The following GALNT18 variants were observed in gnomAD, a reference collection of about 807,000 sequenced individuals.
GALNT18 encodes the protein GalNAc-transferase 18.
GALNT18 carries 44 observed loss-of-function variants against 69.5 expected under a neutral mutation model. That is an observed-to-expected ratio of 0.63 (90% CI 0.50 to 0.81). GALNT18 has a LOEUF of 0.81. GALNT18 is among the 40% of genes least tolerant of loss of function. The pLI is 0.00. For synonymous variants in GALNT18, 364 were observed against 318.2 expected (o/e 1.14, Z -1.53); for missense variants, 715 against 810.0 (o/e 0.88, Z 1.42).
chr11:11,556,991 C>T (rs923075193), intron 1 of GALNT18, among the ~76,000 whole-genome samples: 2 of 152,118 alleles, frequency 1.3e-5, no homozygotes, highest in Non-Finnish European at 2.9e-5. Flanking sequence ...TTAGTCTGCC[C>T]AGGAGGCCCA....
chr11:11,369,246 C>T (rs1850841282), intron 6 of GALNT18, among the ~76,000 whole-genome samples: 2 of 152,196 alleles, frequency 1.3e-5, no homozygotes, highest in African/African-American at 4.8e-5. Flanking sequence ...TAAATTTATT[C>T]TCTCACAGTT....
chr11:11,532,665 T>C (rs1416106616), intron 1 of GALNT18, among the ~76,000 whole-genome samples: 10 of 152,232 alleles, frequency 6.6e-5, no homozygotes, highest in Non-Finnish European at 1.5e-5. Flanking sequence ...GGAATATGTC[T>C]ATGGCTGCAG....
intron 1 of GALNT18, among the ~76,000 whole-genome samples, chr11:11,566,609 A>C (rs186804675): frequency 1.3e-5 from 2 of 152,322 alleles, no homozygotes; most frequent in Admixed American, 1.3e-4. Flanking sequence ...GGGAGATAAC[A>C]AGTATATATA....
chr11:11,380,937 G>A (rs1288687629), intron 3 of GALNT18, among the ~76,000 whole-genome samples: 1 of 152,160 alleles, frequency 6.6e-6, no homozygotes, highest in Non-Finnish European at 1.5e-5. Flanking sequence ...TGTGACCCCT[G>A]TCCTAAGCTA....
chr11:11,516,958 T>C (rs1857290575), intron 1 of GALNT18, among the ~76,000 whole-genome samples: 1 of 152,136 alleles, frequency 6.6e-6, no homozygotes, highest in Admixed American at 6.5e-5. Flanking sequence ...GTGGTGGTAC[T>C]AGGAGGTGGG....
At chr11:11,390,235 A>G (rs572484799) in intron 3 of GALNT18, among the ~76,000 whole-genome samples, 1 of 152,192 alleles carries the variant, frequency 6.6e-6, no homozygotes, top group Non-Finnish European at 1.5e-5. Flanking sequence ...TGTGCTCGTC[A>G]TTTTCCCAAA....
chr11:11,324,140 T>C lies in GALNT18; in HGVS notation c.1512+2946A>G, dbSNP rs115062104. Among the ~76,000 whole-genome samples, 277 of 152,310 alleles carry C rather than the reference T, an allele frequency of 1.8e-3. 2 individuals are homozygous for C. Among genetic ancestry groups the C allele is most frequent in the African/African-American group, 5.9e-3 (246 of 41,556 alleles). On this transcript the variant is annotated intron_variant, in intron 9 of 10. Transcript: ENST00000227756. ...CACCAGAAACTGAATAGGCCAGCAC[T>C]CTGATCTTGGGCTTCCCAGCCTCCA...
chr11:11,390,869 C>T (rs192706394), intron 3 of GALNT18, among the ~76,000 whole-genome samples: 1 of 152,212 alleles, frequency 6.6e-6, no homozygotes, highest in Admixed American at 6.5e-5. Context: ...CCCAGCTCTG[C>T]CATTTACCTT....
At chr11:11,457,230 G>A (rs983575870) in intron 1 of GALNT18, among the ~76,000 whole-genome samples, 18 of 152,182 alleles carry the variant, frequency 1.2e-4, no homozygotes, top group Admixed American at 1.1e-3. Flanking sequence ...GGGAGGAAAC[G>A]GGCTTCAGAG....
At chr11:11,335,615 T>C (rs1850098105) in intron 7 of GALNT18, among the ~76,000 whole-genome samples, 1 of 152,214 alleles carries the variant, frequency 6.6e-6, no homozygotes, top group Non-Finnish European at 1.5e-5. Context: ...TTTGCAGATA[T>C]AATTAATTCA....
intron 1 of GALNT18, among the ~76,000 whole-genome samples, chr11:11,474,964 C>T (rs558844079): frequency 2.0e-4 from 30 of 152,172 alleles, no homozygotes; most frequent in Non-Finnish European, 3.8e-4. Flanking sequence ...AAAATGGGCA[C>T]GTAGATGAGC....
At position 11,337,736 on chromosome 11, in the gene GALNT18, G is replaced by A. The variant is rs1009020446; in HGVS notation, c.1278+3083C>T. Among the ~76,000 whole-genome samples, 26 of 152,166 alleles carry A rather than the reference G, an allele frequency of 1.7e-4. No homozygotes were observed. Among genetic ancestry groups the A allele is most frequent in the African/African-American group, 6.0e-4 (25 of 41,542 alleles). ...AGGGAATTCCAAGCAGGATGAACAAGCACCGAGGTGTGAGAAACAGCATGG... is the reference window on the plus strand; with the variant it reads ...AGGGAATTCCAAGCAGGATGAACAAACACCGAGGTGTGAGAAACAGCATGG... On this transcript the variant is annotated intron_variant, in intron 7 of 10. Coordinates refer to ENST00000227756, the MANE Select transcript of GALNT18 (RefSeq NM_198516.3). The surrounding 1 kb of genome is among the most constrained non-coding windows in gnomAD (Gnocchi z 4.9).
chr11:11,609,502 GCT>G (rs1240490935), intron 1 of GALNT18, among the ~76,000 whole-genome samples: 3 of 152,122 alleles, frequency 2.0e-5, no homozygotes, highest in Non-Finnish European at 2.9e-5. Flanking sequence ...TCGTATTTTT[GCT>G]CTGATTCCAC....
chr11:11,414,831 A>G lies in GALNT18; in HGVS notation c.595+17790T>C, dbSNP rs143221970. Among the ~76,000 whole-genome samples the G allele has an allele frequency of 1.1e-4, 17 of 152,156 alleles. No homozygotes were observed. The East Asian group carries it at 3.1e-3, about 28-fold the overall frequency. On this transcript the variant is annotated intron_variant, in intron 3 of 10. Transcript: ENST00000227756. Reference sequence around the variant, plus strand: ...AAACTGAGCAGCTTGAAACAACACAAATTTATTATCTCATAGTTTCTATAG... The same window carrying G: ...AAACTGAGCAGCTTGAAACAACACAGATTTATTATCTCATAGTTTCTATAG...
rs1485781801 is a variant in GALNT18, at chr11:11,605,098, G to C, written c.235+16261C>G. On this transcript the variant is annotated intron_variant, in intron 1 of 10. Coordinates refer to ENST00000227756, the MANE Select transcript of GALNT18 (RefSeq NM_198516.3). The surrounding 1 kb of genome is among the most constrained non-coding windows in gnomAD (Gnocchi z 4.7). ...AGGAAAAGAAAAATCATAGTTGTCT[G>C]AGGCTCCGGCTAATGGGCTGTGCTG... Among the ~76,000 whole-genome samples, 1 of 152,172 alleles carries C rather than the reference G, an allele frequency of 6.6e-6. No individual in the cohort carries two copies. The highest frequency in any genetic ancestry group is 1.5e-5 in the Non-Finnish European group (1 of 68,032).
intron 1 of GALNT18, among the ~76,000 whole-genome samples, chr11:11,575,032 C>T (rs1256708507): frequency 1.3e-5 from 2 of 152,190 alleles, no homozygotes; most frequent in South Asian, 4.1e-4. Flanking sequence ...AGTACTGCTA[C>T]TATTATGCAA....
intron 6 of GALNT18, among the ~76,000 whole-genome samples, chr11:11,371,533 C>T (rs558532993): frequency 4.6e-5 from 7 of 151,908 alleles, no homozygotes; most frequent in South Asian, 2.1e-4. Context: ...ATAATCCCTA[C>T]GGACACCAGT....
intron 9 of GALNT18, among the ~76,000 whole-genome samples, chr11:11,298,506 G>A (rs1849438731): frequency 6.6e-6 from 1 of 152,204 alleles, no homozygotes; most frequent in Non-Finnish European, 1.5e-5. Context: ...GCTCTCCTCG[G>A]CTGCACTGAT....
Position 11,402,564 on chromosome 11 carries a change from C to T in GALNT18, c.596-23300G>A, listed in dbSNP as rs1487631727. On this transcript the variant is annotated intron_variant, in intron 3 of 10. Coordinates refer to ENST00000227756, the MANE Select transcript of GALNT18 (RefSeq NM_198516.3). This position sits in a 1 kb window ranked among gnomAD's most constrained non-coding sequence, Gnocchi z 4.0. ...GCATGGAGTTATGTGACACTGAGGA[C>T]ATCAGCCACAGCTCTTGGAGAGAAG... Among the ~76,000 whole-genome samples the T allele has an allele frequency of 6.6e-6, 1 of 152,200 alleles. No homozygotes were observed. The highest frequency in any genetic ancestry group is 1.9e-4 in the East Asian group (1 of 5,184).
Sources: gnomAD v4.1 joint callset for allele counts (sites outside exome capture counted in the v4.1 genomes callset) on GRCh38, gnomAD v4.1.1 for gene constraint, Gnocchi (gnomAD v3.1) non-coding constraint, MANE v1.5 for transcripts, NCBI Gene and HGNC (gene_info 2026-07-23, HGNC 2026-07-21) for gene names.